Variants in TRPC4 observed in about 807,000 individuals in gnomAD.
TRPC4 encodes the protein short transient receptor potential channel 4.
A neutral mutation model predicts 99.4 loss-of-function variants in TRPC4; 49 were observed. That is an observed-to-expected ratio of 0.49 (90% CI 0.39 to 0.63). TRPC4 has a LOEUF of 0.63. Ranked by LOEUF, TRPC4 falls within the 20% of genes least tolerant of loss-of-function variation. The pLI is 0.00. For missense variants in TRPC4, 898 were observed against 1,152.9 expected, an observed-to-expected ratio of 0.78 and a Z score of 3.20; for synonymous variants, 454 against 425.9, an observed-to-expected ratio of 1.07 and a Z score of -0.81.
At chr13:37,848,649 C>T (rs897226833) in intron 1 of TRPC4, among the ~76,000 whole-genome samples, 8 of 152,026 alleles carry the variant, frequency 5.3e-5, no homozygotes, top group African/African-American at 1.2e-4. Flanking sequence ...TCTGGAGAAA[C>T]GCAAGCCTAG....
chr13:37,669,936 A>C (rs1200529751), intron 5 of TRPC4, among the ~76,000 whole-genome samples: 1 of 152,142 alleles, frequency 6.6e-6, no homozygotes, highest in African/African-American at 2.4e-5. Flanking sequence ...GTGTGATGGT[A>C]TTTGGAGATG....
intron 3 of TRPC4, among the ~76,000 whole-genome samples, chr13:37,719,781 C>A (rs1023738654): frequency 2.0e-5 from 3 of 151,258 alleles, no homozygotes; most frequent in Non-Finnish European, 2.9e-5. Flanking sequence ...AGAATAATGC[C>A]CTCCCTCCAA....
At chr13:37,650,441 G>T (rs1403041657) in intron 8 of TRPC4, among the ~76,000 whole-genome samples, 2 of 152,204 alleles carry the variant, frequency 1.3e-5, no homozygotes, top group Admixed American at 6.5e-5. Flanking sequence ...TGCACCAAAA[G>T]CTTCACGTGG....
intron 2 of TRPC4, among the ~76,000 whole-genome samples, chr13:37,778,313 T>C (rs1956759517): frequency 6.6e-6 from 1 of 152,012 alleles, no homozygotes; most frequent in Admixed American, 6.6e-5. Flanking sequence ...TAAGTGGAGA[T>C]AGCAATAGGA....
intron 1 of TRPC4, among the ~76,000 whole-genome samples, chr13:37,866,844 T>TTTGGG (rs55985932): frequency 1.2e-5 from 1 of 85,094 alleles, no homozygotes; most frequent in Non-Finnish European, 2.3e-5. Flanking sequence ...GTTTATTTTT[T>TTTGGG]GTGGGGGGGG....
At chr13:37,816,955 C>A (rs1271135305) in intron 1 of TRPC4, among the ~76,000 whole-genome samples, 1 of 151,942 alleles carries the variant, frequency 6.6e-6, no homozygotes, top group Admixed American at 6.6e-5. Flanking sequence ...CCCTTGAAAA[C>A]CAGCACAAGA....
intron 1 of TRPC4, among the ~76,000 whole-genome samples, chr13:37,808,915 T>C (rs1315817205): frequency 6.6e-6 from 1 of 151,498 alleles, no homozygotes. Flanking sequence ...GAAACCGCCA[T>C]CTAAGTGGCA....
Position 37,639,027 on chromosome 13 carries a change from T to G in TRPC4, c.2211+13A>C, listed in dbSNP as rs760002183. 1.9e-6 allele frequency: 3 copies of G among 1,613,162 alleles called. No homozygotes were observed. Among genetic ancestry groups the G allele is most frequent in the Non-Finnish European group, 2.5e-6 (3 of 1,179,236 alleles). Reference sequence around the variant, plus strand: ...CACAATCTGCCTCTTGTGATGAAGATGAAAATGGTTACCTTAAAGTTCTCT... The same window carrying G: ...CACAATCTGCCTCTTGTGATGAAGAGGAAAATGGTTACCTTAAAGTTCTCT... On this transcript the variant is annotated intron_variant, in intron 10 of 10. Coordinates refer to ENST00000379705, the MANE Select transcript of TRPC4 (RefSeq NM_016179.4).
intron 2 of TRPC4, among the ~76,000 whole-genome samples, chr13:37,778,733 T>G (rs1197612358): frequency 6.6e-6 from 1 of 152,058 alleles, no homozygotes; most frequent in African/African-American, 2.4e-5. Flanking sequence ...AAAGTGGGAA[T>G]ACATAATAAG....
chr13:37,682,776 A>G (rs1953294942), intron 4 of TRPC4, among the ~76,000 whole-genome samples: 1 of 152,030 alleles, frequency 6.6e-6, no homozygotes, highest in African/African-American at 2.4e-5. Context: ...TTAGAGACAG[A>G]GTCTCACCCT....
intron 1 of TRPC4, among the ~76,000 whole-genome samples, chr13:37,851,059 A>T (rs1285758396): frequency 6.6e-6 from 1 of 152,260 alleles, no homozygotes; most frequent in Non-Finnish European, 1.5e-5. Context: ...TGAGAAGATA[A>T]AATTTATTAT....
At chr13:37,710,276 A>C (rs1367445368) in intron 3 of TRPC4, among the ~76,000 whole-genome samples, 1 of 151,944 alleles carries the variant, frequency 6.6e-6, no homozygotes, top group African/African-American at 2.4e-5. Flanking sequence ...TCCCCGGCTT[A>C]AGCATAAGAC....
At chr13:37,738,576 T>C (rs1167722155) in intron 3 of TRPC4, among the ~76,000 whole-genome samples, 1 of 152,172 alleles carries the variant, frequency 6.6e-6, no homozygotes, top group African/African-American at 2.4e-5. Context: ...CTGATTTAAC[T>C]AGTTTGAAAG....
At chr13:37,854,780 A>G (rs1187007466) in intron 1 of TRPC4, 1 of 152,088 alleles carries the variant, frequency 6.6e-6, no homozygotes, top group Non-Finnish European at 1.5e-5. Context: ...CCAAAAACTT[A>G]AATCATAACA....
At chr13:37,793,735 A>G (rs1957178543) in intron 1 of TRPC4, among the ~76,000 whole-genome samples, 1 of 152,108 alleles carries the variant, frequency 6.6e-6, no homozygotes, top group Non-Finnish European at 1.5e-5. Context: ...AAAACCCAAT[A>G]CTAGAAATGA....
chr13:37,664,747 CTCTG>C (rs796732849), intron 5 of TRPC4, among the ~76,000 whole-genome samples: 5 of 152,288 alleles, frequency 3.3e-5, no homozygotes, highest in South Asian at 4.1e-4. Context: ...GTTAGTGCTA[CTCTG>C]TCTGAGTCCC....
rs556479918 is a variant in TRPC4, at chr13:37,636,299, T to G, written c.*604A>C. 6.6e-6 allele frequency among the ~76,000 whole-genome samples: 1 copy of G among 152,252 alleles called. No individual in the cohort carries two copies. The highest frequency in any genetic ancestry group is 6.6e-5 in the Admixed American group (1 of 15,260). On this transcript the variant is annotated 3_prime_UTR_variant, in exon 11 of 11. Coordinates refer to ENST00000379705, the MANE Select transcript of TRPC4 (RefSeq NM_016179.4). Reference sequence around the variant, plus strand: ...TCTTTTACTTACTGAAAGGAAACCCTGGAACAACCTAAAACACTACAAAGT... The same window carrying G: ...TCTTTTACTTACTGAAAGGAAACCCGGGAACAACCTAAAACACTACAAAGT...
chr13:37,654,786 C>T (rs926453986), intron 7 of TRPC4, among the ~76,000 whole-genome samples: 2 of 152,114 alleles, frequency 1.3e-5, no homozygotes, highest in Non-Finnish European at 2.9e-5. Flanking sequence ...GTACACGGCG[C>T]AGAGATGAGC....
chr13:37,689,132 T>G (rs769167049), intron 4 of TRPC4, among the ~76,000 whole-genome samples: 1 of 152,184 alleles, frequency 6.6e-6, no homozygotes, highest in Non-Finnish European at 1.5e-5. Flanking sequence ...TTCTCTGCCT[T>G]AATAATGGTA....
Sources: allele counts gnomAD v4.1 joint callset (sites outside exome capture counted in the v4.1 genomes callset), GRCh38; gene constraint gnomAD v4.1.1; transcripts MANE v1.5; gene names NCBI Gene and HGNC (gene_info 2026-07-23, HGNC 2026-07-21).